MROH1: variants seen among roughly 807,000 people sequenced by gnomAD.
MROH1 encodes maestro heat like repeat family member 1.
MROH1 carries 117 observed loss-of-function variants against 116.5 expected under a neutral mutation model. That is an observed-to-expected ratio of 1.00 (90% CI 0.86 to 1.17). The LOEUF is 1.17. Ranked by LOEUF, MROH1 falls within the 50% of genes most tolerant of loss-of-function variation. The pLI, the probability that MROH1 is intolerant of heterozygous loss-of-function variation, is 0.00. For missense variants in MROH1, 1,873 were observed against 1,338.5 expected (o/e 1.40, Z -6.23); for synonymous variants, 921 against 583.9 (o/e 1.58, Z -8.32).
intron 33 of MROH1, chr8:144,254,554 A>ACCTC (rs1843363612): frequency 4.5e-6 from 2 of 447,118 alleles, no homozygotes; most frequent in Non-Finnish European, 8.0e-6. Context: ...GACCTCCCAC[A>ACCTC]CCACTGCCCT....
chr8:144,151,175 G>T (rs1816660272), intron 1 of MROH1, among the ~76,000 whole-genome samples: 2 of 150,644 alleles, frequency 1.3e-5, no homozygotes, highest in African/African-American at 4.9e-5. Flanking sequence ...TTGAACCTGG[G>T]AGGCGGAGGT....
At chr8:144,198,211 A>T (rs1034273488) in intron 10 of MROH1, among the ~76,000 whole-genome samples, 2 of 151,932 alleles carry the variant, frequency 1.3e-5, no homozygotes, top group Non-Finnish European at 2.9e-5. Flanking sequence ...TGCTGTGGTT[A>T]CCTCTTCTGG....
In MROH1 at chr8:144,182,382, G is replaced by C. The variant is rs1479937555; in HGVS notation, c.562+1859G>C. 2.6e-5 allele frequency among the ~76,000 whole-genome samples: 4 copies of C among 152,220 alleles called. No individual in the cohort carries two copies. Among genetic ancestry groups the C allele is most frequent in the Non-Finnish European group, 5.9e-5 (4 of 68,040 alleles). ...CCCGGCCAAGGAACCCCTCCAGTAG[G>C]AAAGGTGGCAACAAAAGAAACAGAC... On this transcript the variant is annotated intron_variant, in intron 7 of 43. Coordinates refer to ENST00000326134, the MANE Select transcript of MROH1 (RefSeq NM_032450.3). This position sits in a 1 kb window ranked among gnomAD's most constrained non-coding sequence, Gnocchi z 4.1.
Position 144,260,168 on chromosome 8 carries a change from AGT to A in MROH1, c.4192-15_4192-14del, listed in dbSNP as rs1844750466. On this transcript the variant is annotated splice_polypyrimidine_tract_variant and intron_variant, in intron 38 of 43. Transcript: ENST00000326134. ...GACGGTGACTCTGGGACCCAGGCTG[AGT>A]GTAAGGTATCCTCAGGTGCGAACCC... 1.3e-6 allele frequency: 1 copy of A among 764,238 alleles called. No individual in the cohort carries two copies. The highest frequency in any genetic ancestry group is 2.4e-6 in the Non-Finnish European group (1 of 417,416). 47.3% of individuals were successfully genotyped at this position (764,238 alleles called of 1,614,324 possible).
At chr8:144,240,456 G>T in intron 19 of MROH1, 114 bp from the exon 20 acceptor site, 1 of 700,354 alleles carries the variant, frequency 1.4e-6, no homozygotes, top group East Asian at 2.7e-5. Context: ...CCCGGCCTCC[G>T]CTGGAAGGCG....
At chr8:144,212,152 C>T (rs148311742) in intron 12 of MROH1, among the ~76,000 whole-genome samples, 148 of 152,156 alleles carry the variant, frequency 9.7e-4, no homozygotes, top group African/African-American at 3.4e-3. Flanking sequence ...GGCTCAAACA[C>T]GGCTCACTGC....
At position 144,250,331 on chromosome 8, in the gene MROH1, G is replaced by A; in HGVS notation, c.3393G>A (p.Val1131=). ...LLATQHCAAV[V]SSLLGSPLPL... ...CCACCCAGCACTGCGCAGCCGTGGT[G>A]TCCAGCCTCCTGGGCAGCCCCTTGC... The change falls in exon 33 of 44, where the codon GTG becomes GTA. Residue 1131 remains valine (V), a synonymous_variant. Coordinates refer to ENST00000326134, the MANE Select transcript of MROH1 (RefSeq NM_032450.3). 1 of 768,084 alleles carries A rather than the reference G, an allele frequency of 1.3e-6. No homozygotes were observed. The highest frequency in any genetic ancestry group is 2.4e-6 in the Non-Finnish European group (1 of 415,280). 47.6% of individuals were successfully genotyped at this position (768,084 alleles called of 1,614,324 possible).
At chr8:144,170,987 A>G (rs1238321670) in intron 4 of MROH1, among the ~76,000 whole-genome samples, 1 of 152,234 alleles carries the variant, frequency 6.6e-6, no homozygotes, top group East Asian at 1.9e-4. Context: ...CTCTTACACC[A>G]CGCAACAATC....
At chr8:144,234,421 G>A (rs1468070531) in intron 14 of MROH1, among the ~76,000 whole-genome samples, 3 of 138,144 alleles carry the variant, frequency 2.2e-5, no homozygotes, top group East Asian at 2.1e-4. Flanking sequence ...CGTTTTGCAC[G>A]TTTTTCGTTA....
At position 144,254,900 on chromosome 8, in the gene MROH1, G is replaced by T. The variant is rs1256022504; in HGVS notation, c.3516G>T (p.Arg1172Ser). ...GGCTGCTGCTGGAGAAGATGAGTAGGGACGTCCCTTTCAAGGAGAGCCGGG... is the reference window on the plus strand; with the variant it reads ...GGCTGCTGCTGGAGAAGATGAGTAGTGACGTCCCTTTCAAGGAGAGCCGGG... ...VLGLLLEKMS[R>S]DVPFKESRAF... The change falls in exon 34 of 44, where the codon AGG becomes AGT. Residue 1172 changes from arginine to serine, a missense_variant. By Grantham distance (110) the Arg-to-Ser change is moderately radical (BLOSUM62 -1). Transcript: ENST00000326134. 6 of 778,174 alleles carry T rather than the reference G, an allele frequency of 7.7e-6. No homozygotes were observed. In the Admixed American group the frequency reaches 1.0e-4, roughly 13 times the overall value. 48.2% of individuals were successfully genotyped at this position (778,174 alleles called of 1,614,324 possible). A position where few individuals can be genotyped will look rare whatever the true frequency, so the allele number is the denominator to read the frequency against.
At chr8:144,255,877 A>T (rs913178098) in intron 35 of MROH1, among the ~76,000 whole-genome samples, 172 bp downstream of exon 35, 2 of 152,204 alleles carry the variant, frequency 1.3e-5, no homozygotes, top group Admixed American at 6.5e-5. Context: ...GTCAGTGGTG[A>T]CATCCATGGC....
rs563371027 is a variant in MROH1 at position 144,232,744 on chromosome 8, C to T, written c.1339-6012C>T. ...TCCTGACCTCGTGATCTGCCCACCTCGGCCTCCCAAAGTGCTGGGATTACA... is the reference window on the plus strand; with the variant it reads ...TCCTGACCTCGTGATCTGCCCACCTTGGCCTCCCAAAGTGCTGGGATTACA... On this transcript the variant is annotated intron_variant, in intron 14 of 43. Coordinates refer to ENST00000326134, the MANE Select transcript of MROH1 (RefSeq NM_032450.3). Among the ~76,000 whole-genome samples the T allele has an allele frequency of 7.9e-5, 12 of 152,062 alleles. 1 individual carries two copies. Among genetic ancestry groups the T allele is most frequent in the East Asian group, 5.8e-4 (3 of 5,180 alleles).
At chr8:144,181,571 C>T (rs927165686) in intron 7 of MROH1, among the ~76,000 whole-genome samples, 4 of 152,200 alleles carry the variant, frequency 2.6e-5, no homozygotes, top group African/African-American at 9.7e-5. Context: ...TTCACAGGCT[C>T]TTTCTCACCT....
At chr8:144,244,360 G>C in intron 27 of MROH1, 24 bp downstream of exon 27, 1 of 721,570 alleles carries the variant, frequency 1.4e-6, no homozygotes, top group East Asian at 2.7e-5. Flanking sequence ...TCCCTTGCCT[G>C]TGTCCACATC....
At chr8:144,247,739 A>C (rs1014737490) in intron 31 of MROH1, 60 bp downstream of exon 31, 16 of 708,972 alleles carry the variant, frequency 2.3e-5, no homozygotes, top group Non-Finnish European at 3.6e-5. Flanking sequence ...GCTAACAGGG[A>C]CTTCCGAGGT....
intron 3 of MROH1, among the ~76,000 whole-genome samples, chr8:144,164,962 A>G (rs1820433107): frequency 6.6e-6 from 1 of 151,772 alleles, no homozygotes; most frequent in African/African-American, 2.4e-5. Context: ...GGCTGAAGGG[A>G]CTAGGATGTC....
chr8:144,255,363 C>T (rs932397076), intron 34 of MROH1, 146 bp from the exon 35 acceptor site: 124 of 662,204 alleles, frequency 1.9e-4, no homozygotes, highest in African/African-American at 1.1e-3. Flanking sequence ...TGCAGTGGTG[C>T]GCCTCGCCCT....
intron 14 of MROH1, among the ~76,000 whole-genome samples, chr8:144,226,370 A>G (rs1274461607): frequency 1.3e-5 from 2 of 152,098 alleles, no homozygotes; most frequent in African/African-American, 4.8e-5. Context: ...AACTGTATGG[A>G]TTCTCTCTAA....
intron 4 of MROH1, chr8:144,175,238 C>T (rs1401591246): frequency 2.3e-6 from 2 of 879,530 alleles, no homozygotes; most frequent in East Asian, 2.4e-4. Flanking sequence ...CCCCTCCCAG[C>T]AGCGGGTCCG....
Sources: allele counts gnomAD v4.1 joint callset (sites outside exome capture counted in the v4.1 genomes callset), GRCh38; gene constraint gnomAD v4.1.1; non-coding constraint Gnocchi (gnomAD v3.1); transcripts MANE v1.5; gene names NCBI Gene and HGNC (gene_info 2026-07-23, HGNC 2026-07-21).